The following ZNF407 variants were observed in gnomAD, a reference collection of about 807,000 sequenced individuals.
ZNF407 encodes zinc finger protein 407.
In ZNF407, 17 loss-of-function variants were observed where a neutral mutation model predicts 131.2. The observed-to-expected ratio is 0.13, with a 90% CI of 0.09 to 0.19. ZNF407 has a LOEUF of 0.19. Among genes scored for constraint, ZNF407 ranks in the 10% least tolerant of loss-of-function variants. The probability of loss-of-function intolerance (pLI) is 1.00; values close to 1 mark genes in which losing one functional copy is unlikely to be tolerated. For missense variants in ZNF407, 2,681 were observed against 2,830.6 expected (o/e 0.95, Z 1.20); for synonymous variants, 1,156 against 1,062.0 (o/e 1.09, Z -1.72).
chr18:74,666,920 T>G (rs1458977391), intron 3 of ZNF407, among the ~76,000 whole-genome samples: 1 of 152,236 alleles, frequency 6.6e-6, no homozygotes, highest in Non-Finnish European at 1.5e-5. Context: ...AGAATATTTC[T>G]GTGTGAGTCT....
rs1324304675 is a variant in ZNF407 at position 75,064,506 on chromosome 18, G to A, written c.*38G>A. On this transcript the variant is annotated 3_prime_UTR_variant, in exon 9 of 9. Transcript: ENST00000299687. ...CTTTACTCAGCACAGGGCAGGTGTG[G>A]GAAGGTCCAGCTTCGGTGGGGGACC... is the stretch of plus-strand genomic sequence containing the variant. The A allele has an allele frequency of 7.0e-7, 1 of 1,436,326 alleles. No individual in the cohort carries two copies. Among genetic ancestry groups the A allele is most frequent in the Non-Finnish European group, 9.2e-7 (1 of 1,087,138 alleles). The allele number at this position is 1,436,326 out of a possible 1,614,324, so 89.0% of individuals were successfully genotyped here.
intron 3 of ZNF407, among the ~76,000 whole-genome samples, chr18:74,672,187 C>T (rs539413354): frequency 1.7e-3 from 266 of 152,276 alleles, no homozygotes; most frequent in Non-Finnish European, 2.5e-3. Flanking sequence ...ATAAGTATTC[C>T]TTTTTCTCTG....
At chr18:74,733,211 C>A (rs549456903) in intron 3 of ZNF407, among the ~76,000 whole-genome samples, 5 of 151,894 alleles carry the variant, frequency 3.3e-5, no homozygotes, top group Admixed American at 3.3e-4. Context: ...ACTTCATTAG[C>A]TTATAGAAAA....
chr18:75,000,455 G>A (rs943934756), intron 8 of ZNF407, among the ~76,000 whole-genome samples: 1 of 152,166 alleles, frequency 6.6e-6, no homozygotes, highest in African/African-American at 2.4e-5. Context: ...GGTCATATCC[G>A]TCAGGGCGTG....
chr18:74,607,068 T>G (rs888329779), intron 1 of ZNF407, among the ~76,000 whole-genome samples: 1 of 152,182 alleles, frequency 6.6e-6, no homozygotes, highest in East Asian at 1.9e-4. Flanking sequence ...AGGAGGCAGG[T>G]GTTTCGTCAG....
chr18:74,727,082 T>C (rs1245071697), intron 3 of ZNF407, among the ~76,000 whole-genome samples: 2 of 152,238 alleles, frequency 1.3e-5, no homozygotes, highest in Non-Finnish European at 2.9e-5. Context: ...GGGTTTCTAT[T>C]ATGTGCCAAG....
chr18:74,916,631 T>G (rs1228442997), intron 7 of ZNF407, among the ~76,000 whole-genome samples: 2 of 66,994 alleles, frequency 3.0e-5, no homozygotes, highest in African/African-American at 7.3e-5. Flanking sequence ...GAATCGGGAG[T>G]GTGTGTGTGT....
intron 7 of ZNF407, among the ~76,000 whole-genome samples, chr18:74,899,227 C>T (rs1971491595): frequency 2.0e-5 from 3 of 152,248 alleles, no homozygotes; most frequent in South Asian, 4.1e-4. Flanking sequence ...AATAATGAGT[C>T]AGAGAGGGAT....
chr18:74,812,980 C>T (rs1970218293), intron 4 of ZNF407, among the ~76,000 whole-genome samples: 1 of 152,108 alleles, frequency 6.6e-6, no homozygotes, highest in South Asian at 2.1e-4. Context: ...TCATCAATTT[C>T]TTGTCCCTCA....
chr18:74,906,940 A>G (rs1183175957), intron 7 of ZNF407, among the ~76,000 whole-genome samples: 2 of 152,204 alleles, frequency 1.3e-5, no homozygotes, highest in Non-Finnish European at 2.9e-5. Context: ...ATGTGTGTGC[A>G]CACACACTGT....
At chr18:74,865,244 C>G (rs1444860430) in intron 4 of ZNF407, among the ~76,000 whole-genome samples, 1 of 152,164 alleles carries the variant, frequency 6.6e-6, no homozygotes, top group Non-Finnish European at 1.5e-5. Context: ...TCTTGGACAT[C>G]AGTTCATTTC....
rs903710709 is a variant in ZNF407, at chr18:74,671,384, C to T, written c.4802+30262C>T. 4.0e-5 allele frequency among the ~76,000 whole-genome samples: 6 copies of T among 151,598 alleles called. No homozygotes were observed. In the South Asian group the frequency reaches 1.0e-3, roughly 26 times the overall value. ...TTTTATATTTTTAACTTTTAGGTTACGGGGTACATGTGAAGGTGTGTTATA... is the reference window on the plus strand; with the variant it reads ...TTTTATATTTTTAACTTTTAGGTTATGGGGTACATGTGAAGGTGTGTTATA... On this transcript the variant is annotated intron_variant, in intron 3 of 8. Transcript: ENST00000299687.
chr18:75,038,692 T>C (rs1973338468), intron 8 of ZNF407, among the ~76,000 whole-genome samples: 1 of 152,186 alleles, frequency 6.6e-6, no homozygotes, highest in South Asian at 2.1e-4. Context: ...ACACCACCAT[T>C]AACAATGGAG....
rs58103313 is a variant in ZNF407, at chr18:74,766,009, CTGTGTGTG to C, written c.4803-15379_4803-15372del. The stretch of plus-strand genomic sequence containing the variant: ...GCCACTGTGATATACGCATATTACT[CTGTGTGTG>C]TGTGTGTGTGTGTGTGTGTGTGTGT... On this transcript the variant is annotated intron_variant, in intron 3 of 8. Transcript: ENST00000299687. Among the ~76,000 whole-genome samples, 1,062 of 148,190 alleles carry C rather than the reference CTGTGTGTG, an allele frequency of 7.2e-3. 14 individuals carry two copies. The highest frequency in any genetic ancestry group is 0.025 in the African/African-American group (1,005 of 40,104).
chr18:74,821,457 T>A (rs138182209), intron 4 of ZNF407, among the ~76,000 whole-genome samples: 1 of 151,560 alleles, frequency 6.6e-6, no homozygotes, highest in East Asian at 2.0e-4. Context: ...TGTGTGATGA[T>A]CCCCTCCCTG....
intron 4 of ZNF407, among the ~76,000 whole-genome samples, chr18:74,843,080 A>G (rs1215236547): frequency 2.6e-5 from 4 of 152,178 alleles, no homozygotes; most frequent in South Asian, 4.1e-4. Context: ...TCTCACATCT[A>G]TCCACTTAAG....
intron 3 of ZNF407, among the ~76,000 whole-genome samples, chr18:74,757,668 CTTG>C (rs1968994365): frequency 6.6e-6 from 1 of 151,882 alleles, no homozygotes; most frequent in African/African-American, 2.4e-5. Context: ...GTTGATGTAC[CTTG>C]TTGTTCAAAT....
intron 4 of ZNF407, among the ~76,000 whole-genome samples, chr18:74,862,293 A>G (rs1037008707): frequency 1.3e-5 from 2 of 152,256 alleles, no homozygotes; most frequent in African/African-American, 2.4e-5. Context: ...CACTCAGGAA[A>G]GCTGGCTGCA....
Position 74,866,294 on chromosome 18 carries a change from T to C in ZNF407, c.4878-10903T>C, listed in dbSNP as rs979887330. 3.0e-4 allele frequency among the ~76,000 whole-genome samples: 46 copies of C among 152,336 alleles called. 1 individual carries two copies. Among genetic ancestry groups the C allele is most frequent in the Non-Finnish European group, 8.8e-5 (6 of 68,024 alleles). ...CTGCGGCTCTTTGGACTAAGGTCTC[T>C]GAAAGGGTCAATTTTGTACTGAACT... On this transcript the variant is annotated intron_variant, in intron 4 of 8. Transcript: ENST00000299687.
Sources: allele counts gnomAD v4.1 joint callset (sites outside exome capture counted in the v4.1 genomes callset), GRCh38; gene constraint gnomAD v4.1.1; transcripts MANE v1.5; gene names NCBI Gene and HGNC (gene_info 2026-07-23, HGNC 2026-07-21).